The following RPS6KA2 variants were observed in gnomAD, a reference collection of about 807,000 sequenced individuals.
RPS6KA2 encodes ribosomal protein S6 kinase A2.
RPS6KA2 carries 42 observed loss-of-function variants against 91.8 expected under a neutral mutation model. The observed-to-expected ratio is 0.46, with a 90% CI of 0.36 to 0.59. The LOEUF (loss-of-function observed/expected upper bound fraction) is 0.59. Among genes scored for constraint, RPS6KA2 ranks in the 20% least tolerant of loss-of-function variants. The pLI is 0.00. For synonymous variants in RPS6KA2, 414 were observed against 393.6 expected, an observed-to-expected ratio of 1.05 and a Z score of -0.61; for missense variants, 798 against 978.5, an observed-to-expected ratio of 0.82 and a Z score of 2.46.
intron 2 of RPS6KA2, among the ~76,000 whole-genome samples, chr6:166,708,081 G>A (rs1789732424): frequency 6.6e-6 from 1 of 151,904 alleles, no homozygotes; most frequent in Non-Finnish European, 1.5e-5. Flanking sequence ...TACAACCACA[G>A]AAAAAAGGAA....
chr6:166,726,857 C>T lies in RPS6KA2; in HGVS notation c.123+131343G>A, dbSNP rs749887375. On this transcript the variant is annotated intron_variant, in intron 2 of 21. Coordinates refer to the RPS6KA2 transcript ENST00000503859. The surrounding 1 kb of genome is among the most constrained non-coding windows in gnomAD (Gnocchi z 4.4). ...GACGGGTCTCAGGGAGTGTGTCTGG[C>T]GGGTGGGGAGGAATCCCAGGCCTGG... 9.2e-5 allele frequency among the ~76,000 whole-genome samples: 14 copies of T among 152,058 alleles called. No homozygotes were observed. Among genetic ancestry groups the T allele is most frequent in the African/African-American group, 1.2e-4 (5 of 41,404 alleles).
At chr6:166,538,150 C>A (rs1294472909) in intron 2 of RPS6KA2, among the ~76,000 whole-genome samples, 2 of 152,164 alleles carry the variant, frequency 1.3e-5, no homozygotes, top group East Asian at 3.8e-4. Context: ...TAGGTTTTAT[C>A]CTTTCCATTT....
At chr6:166,845,753 A>C (rs1780591172) in intron 2 of RPS6KA2, among the ~76,000 whole-genome samples, 1 of 151,408 alleles carries the variant, frequency 6.6e-6, no homozygotes, top group Admixed American at 6.6e-5. Context: ...TATCTACATC[A>C]AAAAGTCTAA....
intron 1 of RPS6KA2, among the ~76,000 whole-genome samples, chr6:166,609,123 C>G (rs938193771): frequency 1.3e-5 from 2 of 152,168 alleles, no homozygotes; most frequent in Non-Finnish European, 2.9e-5. Context: ...GAGGTTGTGA[C>G]TCAGTTCCTC....
intron 2 of RPS6KA2, among the ~76,000 whole-genome samples, chr6:166,722,823 T>G (rs1424449786): frequency 6.6e-6 from 1 of 152,224 alleles, no homozygotes; most frequent in Admixed American, 6.5e-5. Context: ...TCAGTTTCCA[T>G]GAGCTTCAAT....
intron 1 of RPS6KA2, among the ~76,000 whole-genome samples, chr6:166,599,281 T>A (rs997920601): frequency 1.3e-5 from 2 of 152,222 alleles, no homozygotes; most frequent in African/African-American, 4.8e-5. Flanking sequence ...GAGAGTCATA[T>A]GAAATATGTG....
intron 1 of RPS6KA2, among the ~76,000 whole-genome samples, chr6:166,583,829 T>A (rs925523886): frequency 2.0e-5 from 3 of 152,220 alleles, no homozygotes; most frequent in African/African-American, 7.2e-5. Context: ...TTCTCACGTT[T>A]TTCTACAGCA....
chr6:166,524,103 C>G (rs941467713), intron 3 of RPS6KA2, among the ~76,000 whole-genome samples: 1 of 152,172 alleles, frequency 6.6e-6, no homozygotes, highest in Non-Finnish European at 1.5e-5. Flanking sequence ...CACACAGCTG[C>G]CAAAAACACA....
intron 2 of RPS6KA2, among the ~76,000 whole-genome samples, chr6:166,669,523 G>A (rs191919669): frequency 1.1e-4 from 17 of 152,268 alleles, no homozygotes; most frequent in African/African-American, 3.8e-4. Flanking sequence ...TTTTCATGAT[G>A]GCTCCAAAGA....
At chr6:166,497,521 C>T (rs752129198) in intron 8 of RPS6KA2, among the ~76,000 whole-genome samples, 3 of 152,210 alleles carry the variant, frequency 2.0e-5, no homozygotes, top group South Asian at 4.1e-4. Flanking sequence ...GCAGCCCGTG[C>T]GGGCACGTGG....
At chr6:166,776,881 C>T (rs1378704648) in intron 2 of RPS6KA2, among the ~76,000 whole-genome samples, 4 of 152,136 alleles carry the variant, frequency 2.6e-5, no homozygotes, top group South Asian at 2.1e-4. Flanking sequence ...CAAGTGTGTG[C>T]GTATTTTTGT....
At chr6:166,855,485 AAG>A (rs2128633791) in intron 2 of RPS6KA2, among the ~76,000 whole-genome samples, 1 of 128,530 alleles carries the variant, frequency 7.8e-6, no homozygotes, top group South Asian at 2.4e-4. Context: ...GAAGAAGAAG[AAG>A]AGGAAGAAGA....
chr6:166,626,561 G>A lies in RPS6KA2; in HGVS notation c.99+360C>T, dbSNP rs531727411. Among the ~76,000 whole-genome samples, 1 of 152,302 alleles carries A rather than the reference G, an allele frequency of 6.6e-6. No individual in the cohort carries two copies. The highest frequency in any genetic ancestry group is 6.5e-5 in the Admixed American group (1 of 15,308). On this transcript the variant is annotated intron_variant, in intron 1 of 20. Coordinates refer to ENST00000265678, the MANE Select transcript of RPS6KA2 (RefSeq NM_021135.6). The surrounding 1 kb of genome is among the most constrained non-coding windows in gnomAD (Gnocchi z 4.1). ...CCACTCGGGACTTTGAGGGACCCCCGCGGAGCGCTCCGCGCCACTCGGCGG... is the reference window on the plus strand; with the variant it reads ...CCACTCGGGACTTTGAGGGACCCCCACGGAGCGCTCCGCGCCACTCGGCGG...
intron 6 of RPS6KA2, among the ~76,000 whole-genome samples, chr6:166,503,775 A>C (rs549696379): frequency 6.6e-6 from 1 of 152,356 alleles, no homozygotes; most frequent in South Asian, 2.1e-4. Flanking sequence ...AACAACAACA[A>C]CAAAATGAAA....
intron 3 of RPS6KA2, among the ~76,000 whole-genome samples, chr6:166,522,139 G>A (rs1782878018): frequency 6.6e-6 from 1 of 152,218 alleles, no homozygotes; most frequent in Admixed American, 6.5e-5. Flanking sequence ...ATGATGTTCT[G>A]TGATATCTGC....
intron 2 of RPS6KA2, among the ~76,000 whole-genome samples, chr6:166,754,527 G>A (rs528483072): frequency 6.6e-6 from 1 of 152,272 alleles, no homozygotes; most frequent in African/African-American, 2.4e-5. Flanking sequence ...GCTGGTACTG[G>A]GCCCTGGGAG....
At chr6:166,625,772 T>C (rs1786849964) in intron 1 of RPS6KA2, among the ~76,000 whole-genome samples, 1 of 152,234 alleles carries the variant, frequency 6.6e-6, no homozygotes. Flanking sequence ...TTAACAGTTT[T>C]GTTTGAAAGA....
intron 14 of RPS6KA2, among the ~76,000 whole-genome samples, chr6:166,439,177 G>A (rs557718622): frequency 5.3e-5 from 8 of 152,092 alleles, no homozygotes; most frequent in East Asian, 3.9e-4. Context: ...GCACAATCTC[G>A]GCTCACTGCA....
intron 1 of RPS6KA2, chr6:166,585,976 T>C: frequency 2.2e-6 from 1 of 452,882 alleles, no homozygotes. Context: ...GCAAGTAAGA[T>C]CTATTTTTTT....
Sources: gnomAD v4.1 joint callset for allele counts (sites outside exome capture counted in the v4.1 genomes callset) on GRCh38, gnomAD v4.1.1 for gene constraint, Gnocchi (gnomAD v3.1) non-coding constraint, MANE v1.5 for transcripts, NCBI Gene and HGNC (gene_info 2026-07-23, HGNC 2026-07-21) for gene names.